The following GRIK4 variants were observed in gnomAD, a reference collection of about 807,000 sequenced individuals.
GRIK4 encodes the protein glutamate ionotropic receptor kainate type subunit 4, also known as glutamate receptor ionotropic, kainate 4.
GRIK4 carries 40 observed loss-of-function variants against 104.9 expected under a neutral mutation model. The observed-to-expected ratio is 0.38, with a 90% CI of 0.30 to 0.50. The LOEUF (loss-of-function observed/expected upper bound fraction) is 0.50. Ranked by LOEUF, GRIK4 falls within the 20% of genes least tolerant of loss-of-function variation. GRIK4 has a pLI of 0.93. For missense variants in GRIK4, 1,047 were observed against 1,308.1 expected (o/e 0.80, Z 3.08); for synonymous variants, 485 against 524.9 (o/e 0.92, Z 1.04).
chr11:120,617,138 T>C (rs1050972694), intron 1 of GRIK4, among the ~76,000 whole-genome samples: 2 of 152,170 alleles, frequency 1.3e-5, no homozygotes, highest in South Asian at 4.1e-4. Context: ...GCGTAAAACC[T>C]TCAGCCAGAG....
At chr11:120,780,720 G>T (rs367929422) in intron 3 of GRIK4, among the ~76,000 whole-genome samples, 97 of 151,524 alleles carry the variant, frequency 6.4e-4, no homozygotes, top group Middle Eastern at 3.4e-3. Context: ...GGTTTTTTTT[G>T]TTTGTTTGTT....
At position 120,988,427 on chromosome 11, in the gene GRIK4, T is replaced by TA. The variant is rs397709623; in HGVS notation, c.*2174dup. ...ATTTGGGGCGGGAAGGGTGGTTTTT[T>TA]AAAAAAACTCGTTTTTATGAGCAGG... On this transcript the variant is annotated 3_prime_UTR_variant, in exon 21 of 21. Coordinates refer to ENST00000527524, the MANE Select transcript of GRIK4 (RefSeq NM_014619.5). The TA allele has an allele frequency of 2.0e-5, 3 of 152,168 alleles. No homozygotes were observed. Among genetic ancestry groups the TA allele is most frequent in the Non-Finnish European group, 4.4e-5 (3 of 68,034 alleles). 9.4% of individuals were successfully genotyped at this position (152,168 alleles called of 1,614,324 possible).
intron 13 of GRIK4, among the ~76,000 whole-genome samples, chr11:120,913,905 C>T (rs1421265691): frequency 2.6e-5 from 4 of 151,530 alleles, no homozygotes. Flanking sequence ...TACTTTTCAC[C>T]TTGAAGCCAG....
intron 11 of GRIK4, chr11:120,894,871 T>C (rs1942532796): frequency 6.6e-6 from 1 of 152,134 alleles, no homozygotes; most frequent in Non-Finnish European, 1.5e-5. Context: ...CCAGGGCGCC[T>C]GGCTCTGAAT....
At chr11:120,606,496 C>T (rs1052959766) in intron 1 of GRIK4, among the ~76,000 whole-genome samples, 3 of 152,214 alleles carry the variant, frequency 2.0e-5, no homozygotes, top group Admixed American at 6.5e-5. Flanking sequence ...GGGTAGAGCC[C>T]GAGGGGAGAA....
At chr11:120,826,695 C>T (rs533762177) in intron 6 of GRIK4, among the ~76,000 whole-genome samples, 12 of 152,340 alleles carry the variant, frequency 7.9e-5, no homozygotes, top group East Asian at 5.8e-4. Flanking sequence ...CTACGGTCCA[C>T]CTGTGAGCAA....
Position 120,710,469 on chromosome 11 carries a change from C to G in GRIK4, c.82+50069C>G, listed in dbSNP as rs1399763317. Among the ~76,000 whole-genome samples, 5 of 152,136 alleles carry G rather than the reference C, an allele frequency of 3.3e-5. 1 individual carries two copies. The highest frequency in any genetic ancestry group is 1.2e-4 in the African/African-American group (5 of 41,420). ...CTGACTCACTCTGGCCCCTCTGTAA[C>G]CAAGTGCATATAGGCTCTGAGTCTG... On this transcript the variant is annotated intron_variant, in intron 3 of 20. Coordinates refer to ENST00000527524, the MANE Select transcript of GRIK4 (RefSeq NM_014619.5).
chr11:120,582,889 T>A (rs1948607894), intron 1 of GRIK4, among the ~76,000 whole-genome samples: 1 of 152,244 alleles, frequency 6.6e-6, no homozygotes, highest in Non-Finnish European at 1.5e-5. Context: ...ATAATGGGAT[T>A]GCTGGGTCAA....
In GRIK4 at chr11:120,827,235, C is replaced by T. The variant is rs114178533; in HGVS notation, c.512-4617C>T. Among the ~76,000 whole-genome samples, 700 of 152,312 alleles carry T rather than the reference C, an allele frequency of 4.6e-3. 10 individuals are homozygous for T. Among genetic ancestry groups the T allele is most frequent in the African/African-American group, 0.015 (644 of 41,572 alleles). ...CTTAGGTCTTGGTGTCCTTGTCCTG[C>T]GGCTGTGTCCACCCCTGGCTGTGCC... On this transcript the variant is annotated intron_variant, in intron 6 of 20. Transcript: ENST00000527524.
At chr11:120,583,926 C>T (rs1693791013) in intron 1 of GRIK4, among the ~76,000 whole-genome samples, 1 of 152,156 alleles carries the variant, frequency 6.6e-6, no homozygotes, top group Non-Finnish European at 1.5e-5. Context: ...AGGGATCTTT[C>T]ACCTCCCTGG....
chr11:120,935,500 A>G (rs1197245468), intron 13 of GRIK4, among the ~76,000 whole-genome samples: 1 of 152,186 alleles, frequency 6.6e-6, no homozygotes, highest in African/African-American at 2.4e-5. Flanking sequence ...CAGTGAGCCA[A>G]GATCGCACCA....
chr11:120,957,996 A>G (rs1032664890), intron 16 of GRIK4, among the ~76,000 whole-genome samples: 2 of 152,230 alleles, frequency 1.3e-5, no homozygotes, highest in Admixed American at 6.5e-5. Flanking sequence ...TGAATGGATC[A>G]CCATGGAGAA....
chr11:120,537,792 T>C (rs544611126), intron 1 of GRIK4, among the ~76,000 whole-genome samples: 1 of 152,132 alleles, frequency 6.6e-6, no homozygotes, highest in East Asian at 1.9e-4. Flanking sequence ...AGGGGATCTG[T>C]TGTAGAATAA....
At chr11:120,557,825 G>T (rs995104619) in intron 1 of GRIK4, among the ~76,000 whole-genome samples, 1 of 151,952 alleles carries the variant, frequency 6.6e-6, no homozygotes, top group Non-Finnish European at 1.5e-5. Flanking sequence ...GACCAGCTTG[G>T]CTAACACGGT....
rs12291272 is a variant in GRIK4, at chr11:120,975,475, T to G, written c.2396-6631T>G. The stretch of plus-strand genomic sequence containing the variant: ...ACTCCAGAGGGATTTCCAGAAACCA[T>G]GATCAGAACAGAGGCAAATGGTGGC... On this transcript the variant is annotated intron_variant, in intron 19 of 20. Coordinates refer to ENST00000527524, the MANE Select transcript of GRIK4 (RefSeq NM_014619.5). Among the ~76,000 whole-genome samples the G allele has an allele frequency of 4.4e-3, 672 of 152,264 alleles. 2 individuals carry two copies. The highest frequency in any genetic ancestry group is 0.015 in the African/African-American group (642 of 41,544).
chr11:120,538,313 T>A (rs1223422334), intron 1 of GRIK4, among the ~76,000 whole-genome samples: 1 of 152,108 alleles, frequency 6.6e-6, no homozygotes. Context: ...GGGAGAACAG[T>A]AGTTGACTAC....
intron 1 of GRIK4, among the ~76,000 whole-genome samples, chr11:120,592,418 T>G (rs1360466262): frequency 6.6e-6 from 1 of 152,232 alleles, no homozygotes; most frequent in Non-Finnish European, 1.5e-5. Flanking sequence ...TGACGAACCC[T>G]GAGAACAAGA....
In GRIK4 at chr11:120,834,077, T is replaced by G. The variant is rs1953507424; in HGVS notation, c.690+2047T>G. On this transcript the variant is annotated intron_variant, in intron 7 of 20. Transcript: ENST00000527524. Reference sequence around the variant, plus strand: ...ATCTTTATACACATTCATGAATATTTCCCCAGCATACATTTCTAGAAGTGG... The same window carrying G: ...ATCTTTATACACATTCATGAATATTGCCCCAGCATACATTTCTAGAAGTGG... 2.0e-5 allele frequency among the ~76,000 whole-genome samples: 3 copies of G among 152,334 alleles called. No homozygotes were observed. In the South Asian group the frequency reaches 6.2e-4, roughly 32 times the overall value.
chr11:120,826,646 A>C (rs1953267999), intron 6 of GRIK4, among the ~76,000 whole-genome samples: 1 of 152,208 alleles, frequency 6.6e-6, no homozygotes. Context: ...CATTCTTGCC[A>C]TTGTAGAAGG....
Sources: gnomAD v4.1 joint callset for allele counts (sites outside exome capture counted in the v4.1 genomes callset) on GRCh38, gnomAD v4.1.1 for gene constraint, MANE v1.5 for transcripts, NCBI Gene and HGNC (gene_info 2026-07-23, HGNC 2026-07-21) for gene names.